Variants in SLC24A2 observed in about 807,000 individuals in gnomAD.
The protein encoded by SLC24A2 is sodium/potassium/calcium exchanger 2.
In SLC24A2, 36 loss-of-function variants were observed where a neutral mutation model predicts 62.0. The observed-to-expected ratio is 0.58, with a 90% CI of 0.44 to 0.77. The LOEUF (loss-of-function observed/expected upper bound fraction) is 0.77. Among genes scored for constraint, SLC24A2 ranks in the 30% least tolerant of loss-of-function variants. The pLI is 0.00. For synonymous variants in SLC24A2, 358 were observed against 294.0 expected, an observed-to-expected ratio of 1.22 and a Z score of -2.23; for missense variants, 846 against 817.9, an observed-to-expected ratio of 1.03 and a Z score of -0.42.
the SLC24A2 span, among the ~76,000 whole-genome samples, chr9:20,265,673 G>C: frequency 3.3e-5 from 5 of 152,182 alleles, no homozygotes; most frequent in East Asian, 1.9e-4. Context: ...ATGAAATCTG[G>C]GCACCTTCAA....
At chr9:19,984,703 C>A in the SLC24A2 span, among the ~76,000 whole-genome samples, 1 of 152,152 alleles carries the variant, frequency 6.6e-6, no homozygotes, top group Non-Finnish European at 1.5e-5. Flanking sequence ...GAGGCTCTGT[C>A]TCAACAAATA....
chr9:20,235,067 GC>G, the SLC24A2 span, among the ~76,000 whole-genome samples: 1 of 152,188 alleles, frequency 6.6e-6, no homozygotes, highest in Non-Finnish European at 1.5e-5. Context: ...AAATGCTGCT[GC>G]CTGATCGTTC....
At chr9:19,823,599 A>G in the SLC24A2 span, among the ~76,000 whole-genome samples, 1 of 151,792 alleles carries the variant, frequency 6.6e-6, no homozygotes, top group Non-Finnish European at 1.5e-5. Flanking sequence ...ACTGCACTCC[A>G]GCCTGGCAAT....
At chr9:19,868,254 C>T in the SLC24A2 span, among the ~76,000 whole-genome samples, 3 of 151,762 alleles carry the variant, frequency 2.0e-5, no homozygotes, top group Non-Finnish European at 2.9e-5. Context: ...GTGATTTATT[C>T]TTTGATCTAT....
chr9:20,000,690 A>T, the SLC24A2 span, among the ~76,000 whole-genome samples: 1 of 152,152 alleles, frequency 6.6e-6, no homozygotes, highest in Admixed American at 6.6e-5. Flanking sequence ...TGTCAGTGTT[A>T]TATAATTTTA....
At chr9:19,693,928 CAGAT>C (rs770769203) in intron 2 of SLC24A2, among the ~76,000 whole-genome samples, 4 of 151,606 alleles carry the variant, frequency 2.6e-5, no homozygotes, top group East Asian at 1.9e-4. Context: ...ATCTAAAAAA[CAGAT>C]AGGTTGGGGG....
the SLC24A2 span, among the ~76,000 whole-genome samples, chr9:19,908,264 G>A: frequency 6.7e-5 from 4 of 59,728 alleles, no homozygotes; most frequent in Admixed American, 2.1e-4. Context: ...AATGGTGCTG[G>A]GAAAACTGGC....
the SLC24A2 span, among the ~76,000 whole-genome samples, chr9:20,018,374 T>A: frequency 6.6e-5 from 10 of 152,192 alleles, no homozygotes; most frequent in African/African-American, 2.4e-4. Flanking sequence ...AGTGTATGTG[T>A]CTGTTTTTGC....
At chr9:19,762,306 A>G (rs1822360844) in intron 2 of SLC24A2, among the ~76,000 whole-genome samples, 1 of 152,172 alleles carries the variant, frequency 6.6e-6, no homozygotes, top group Non-Finnish European at 1.5e-5. Context: ...GAAGCTCTTT[A>G]GGTTAATTAG....
the SLC24A2 span, among the ~76,000 whole-genome samples, chr9:19,940,444 T>C: frequency 1.3e-5 from 2 of 152,174 alleles, no homozygotes; most frequent in Non-Finnish European, 2.9e-5. Flanking sequence ...CTCTGTGACC[T>C]TAGGTAAATT....
At chr9:20,283,743 A>G in the SLC24A2 span, among the ~76,000 whole-genome samples, 34 of 30,248 alleles carry the variant, frequency 1.1e-3, no homozygotes, top group African/African-American at 9.8e-3. Context: ...GAGAAAAGAG[A>G]AAAAAAAAGG....
chr9:20,297,650 C>T, the SLC24A2 span, among the ~76,000 whole-genome samples: 2 of 152,344 alleles, frequency 1.3e-5, no homozygotes, highest in East Asian at 3.9e-4. Context: ...CAGAGTCCAG[C>T]ACTGCTGACT....
chr9:19,545,018 T>A (rs1033677963), intron 8 of SLC24A2, among the ~76,000 whole-genome samples: 4 of 152,200 alleles, frequency 2.6e-5, no homozygotes, highest in Admixed American at 6.5e-5. Context: ...TCCCGAAAAG[T>A]GTTTTCCAAC....
intron 5 of SLC24A2, among the ~76,000 whole-genome samples, chr9:19,585,651 C>G (rs1836350840): frequency 6.6e-6 from 1 of 152,112 alleles, no homozygotes; most frequent in Non-Finnish European, 1.5e-5. Context: ...ATCTCTGTAG[C>G]TATAGCTGTC....
intron 2 of SLC24A2, among the ~76,000 whole-genome samples, chr9:19,674,210 A>C (rs916457482): frequency 2.0e-5 from 3 of 152,110 alleles, no homozygotes; most frequent in African/African-American, 2.4e-5. Flanking sequence ...TCTATTCTAG[A>C]TTGTAGGGTT....
In SLC24A2 at chr9:19,577,003, A is replaced by T; in HGVS notation, c.1149T>A (p.Ala383=). The T allele has an allele frequency of 1.2e-6, 2 of 1,614,128 alleles. No individual in the cohort carries two copies. The highest frequency in any genetic ancestry group is 1.7e-6 in the Non-Finnish European group (2 of 1,179,982). ...TCTTGGCGATCTTGTGGAGAATTGA[A>T]GCCTTTTCTCTGAACCTCCCTGAAG... ...MTEEGRFREK[A]SILHKIAKKK... Residue 383 remains alanine (A), a synonymous_variant, in exon 6 of 11, where the codon GCT becomes GCA. Transcript: ENST00000341998.
chr9:19,800,410 G>C, the SLC24A2 span, among the ~76,000 whole-genome samples: 1 of 152,134 alleles, frequency 6.6e-6, no homozygotes, highest in Admixed American at 6.6e-5. Context: ...CACTTATTTT[G>C]AGGGAATATT....
intron 2 of SLC24A2, among the ~76,000 whole-genome samples, chr9:19,779,537 T>G (rs1822948066): frequency 6.6e-6 from 1 of 152,030 alleles, no homozygotes; most frequent in Non-Finnish European, 1.5e-5. Flanking sequence ...AAACTCTAAG[T>G]AAATAAAAAT....
chr9:20,047,394 G>T, the SLC24A2 span, among the ~76,000 whole-genome samples: 2 of 151,672 alleles, frequency 1.3e-5, no homozygotes, highest in Admixed American at 1.3e-4. Context: ...CCTGACAAAG[G>T]TCAGAGTCAG....
Sources: gnomAD v4.1 joint callset for allele counts (sites outside exome capture counted in the v4.1 genomes callset) on GRCh38, gnomAD v4.1.1 for gene constraint, MANE v1.5 for transcripts, NCBI Gene and HGNC (gene_info 2026-07-23, HGNC 2026-07-21) for gene names.